Variants in COPG2 observed in about 807,000 individuals in gnomAD.
The protein encoded by COPG2 is coatomer subunit gamma-2.
A neutral mutation model predicts 46.3 loss-of-function variants in COPG2; 37 were observed. That is an observed-to-expected ratio of 0.80 (90% CI 0.61 to 1.05). The LOEUF (loss-of-function observed/expected upper bound fraction) is 1.05, where lower values mean the gene tolerates loss of function less well. Ranked by LOEUF, COPG2 falls within the 50% of genes least tolerant of loss-of-function variation. The probability of loss-of-function intolerance (pLI) is 0.00; values close to 1 mark genes in which losing one functional copy is unlikely to be tolerated. For missense variants in COPG2, 427 were observed against 387.8 expected (o/e 1.10, Z -0.85); for synonymous variants, 159 against 129.7 (o/e 1.23, Z -1.53).
chr7:130,668,595 C>T (rs1554461941), intron 1 of COPG2, 37 bp downstream of exon 1: 3 of 1,500,848 alleles, frequency 2.0e-6, no homozygotes, highest in African/African-American at 1.5e-5. Flanking sequence ...AGGGGCGTCC[C>T]GCGGCTGAGG....
At chr7:130,649,002 G>A (rs1424127073) in intron 5 of COPG2, among the ~76,000 whole-genome samples, 1 of 152,152 alleles carries the variant, frequency 6.6e-6, no homozygotes, top group African/African-American at 2.4e-5. Context: ...AGTTGCTGCT[G>A]ACGTAGAATT....
intron 20 of COPG2, among the ~76,000 whole-genome samples, chr7:130,530,849 G>A (rs1799817928): frequency 6.6e-6 from 1 of 151,898 alleles, no homozygotes; most frequent in East Asian, 2.0e-4. Context: ...CACAGGTGGA[G>A]TGAGGTGAAG....
At chr7:130,603,073 T>G (rs572240416) in intron 9 of COPG2, among the ~76,000 whole-genome samples, 5 of 152,296 alleles carry the variant, frequency 3.3e-5, no homozygotes, top group African/African-American at 1.2e-4. Context: ...ACCCCTGACC[T>G]GCAAAAATTA....
chr7:130,647,158 A>C (rs1348631179), intron 5 of COPG2, among the ~76,000 whole-genome samples: 1 of 151,886 alleles, frequency 6.6e-6, no homozygotes, highest in African/African-American at 2.4e-5. Context: ...CTCCTGTCAC[A>C]GCTTCCTGAG....
At chr7:130,594,508 T>C (rs1554449457) in intron 9 of COPG2, among the ~76,000 whole-genome samples, 4 of 152,148 alleles carry the variant, frequency 2.6e-5, no homozygotes, top group African/African-American at 9.7e-5. Context: ...ACAGAAAAAT[T>C]AGACTTTATC....
At position 130,655,494 on chromosome 7, in the gene COPG2, A is replaced by C. The variant is rs559016402; in HGVS notation, c.244-2546T>G. On this transcript the variant is annotated intron_variant, in intron 4 of 23. Coordinates refer to ENST00000425248, the MANE Select transcript of COPG2 (RefSeq NM_012133.6). Reference sequence around the variant, plus strand: ...GAGTAGTTTCCTTTTTTACACACACAGATCAGTTTTTACTTAACCAAAGAC... The same window carrying C: ...GAGTAGTTTCCTTTTTTACACACACCGATCAGTTTTTACTTAACCAAAGAC... 1.8e-4 allele frequency among the ~76,000 whole-genome samples: 27 copies of C among 152,294 alleles called. No individual in the cohort carries two copies. In the South Asian group the frequency reaches 5.6e-3, roughly 32 times the overall value.
chr7:130,617,910 G>A (rs1794976342), intron 5 of COPG2, among the ~76,000 whole-genome samples: 1 of 151,872 alleles, frequency 6.6e-6, no homozygotes, highest in Non-Finnish European at 1.5e-5. Context: ...AGACCAGCCT[G>A]GGAAACATGA....
chr7:130,659,362 A>AAAAAAAAAAAAAAC (rs1361488094), intron 4 of COPG2, among the ~76,000 whole-genome samples: 3 of 149,948 alleles, frequency 2.0e-5, no homozygotes, highest in East Asian at 2.0e-4. Context: ...CTCAAAAAAA[A>AAAAAAAAAAAAAAC]AAAAAACGAA....
intron 20 of COPG2, 148 bp from the exon 21 acceptor site, chr7:130,508,807 T>C (rs1339865647): frequency 1.6e-6 from 1 of 616,786 alleles, no homozygotes. Flanking sequence ...AAAAGCAGCC[T>C]ACAAGCGGGT....
chr7:130,638,575 C>G (rs953577056), intron 5 of COPG2, among the ~76,000 whole-genome samples: 1 of 152,080 alleles, frequency 6.6e-6, no homozygotes, highest in African/African-American at 2.4e-5. Flanking sequence ...CACCCCTCCC[C>G]CCACACCAAG....
At chr7:130,575,985 T>A (rs1249303564) in intron 9 of COPG2, among the ~76,000 whole-genome samples, 1 of 152,200 alleles carries the variant, frequency 6.6e-6, no homozygotes, top group African/African-American at 2.4e-5. Flanking sequence ...GTACATTAGA[T>A]AATGGTAAAA....
intron 20 of COPG2, among the ~76,000 whole-genome samples, chr7:130,520,262 A>C (rs1799713555): frequency 1.3e-5 from 2 of 152,196 alleles, no homozygotes; most frequent in African/African-American, 4.8e-5. Flanking sequence ...TTGGCCAAGA[A>C]GTTAAGAAAT....
chr7:130,666,589 T>C (rs1386099818), intron 3 of COPG2, among the ~76,000 whole-genome samples: 4 of 152,236 alleles, frequency 2.6e-5, no homozygotes. Flanking sequence ...GTATGTATTC[T>C]GCAAATATTC....
Position 130,668,694 on chromosome 7 carries a change from C to G in COPG2, c.-26G>C, listed in dbSNP as rs534038537. On this transcript the variant is annotated 5_prime_UTR_variant, in exon 1 of 24. Coordinates refer to ENST00000425248, the MANE Select transcript of COPG2 (RefSeq NM_012133.6). ...CTTGGACGACTTCCCAGCGCCCAGACCCACCGCAACCGTCCCAGGCGCCGC... is the reference window on the plus strand; with the variant it reads ...CTTGGACGACTTCCCAGCGCCCAGAGCCACCGCAACCGTCCCAGGCGCCGC... 2.0e-6 allele frequency: 3 copies of G among 1,521,806 alleles called. No homozygotes were observed. Among genetic ancestry groups the G allele is most frequent in the East Asian group, 5.6e-5 (2 of 35,640 alleles). 94.3% of individuals were successfully genotyped at this position (1,521,806 alleles called of 1,614,324 possible).
At chr7:130,577,264 T>TCAA (rs1167453893) in intron 9 of COPG2, among the ~76,000 whole-genome samples, 1 of 152,208 alleles carries the variant, frequency 6.6e-6, no homozygotes, top group African/African-American at 2.4e-5. Flanking sequence ...GGTACTGGGT[T>TCAA]CATCTCACTA....
intron 5 of COPG2, among the ~76,000 whole-genome samples, chr7:130,633,284 G>A (rs1795265235): frequency 6.6e-6 from 1 of 152,070 alleles, no homozygotes; most frequent in Non-Finnish European, 1.5e-5. Context: ...TGGCTCTAAA[G>A]GTATTTCTGG....
At chr7:130,561,369 C>T (rs1793716249) in intron 11 of COPG2, 148 bp from the exon 12 acceptor site, 1 of 395,970 alleles carries the variant, frequency 2.5e-6, no homozygotes, top group African/African-American at 2.1e-5. Context: ...CTCCAGTTAA[C>T]AAGGTATATC....
intron 9 of COPG2, among the ~76,000 whole-genome samples, chr7:130,576,687 C>T (rs1794004335): frequency 6.6e-6 from 1 of 152,040 alleles, no homozygotes; most frequent in Non-Finnish European, 1.5e-5. Context: ...GGATACACCT[C>T]AAGGAACTAG....
chr7:130,644,500 A>G (rs1795553769), intron 5 of COPG2, among the ~76,000 whole-genome samples: 1 of 152,192 alleles, frequency 6.6e-6, no homozygotes, highest in Non-Finnish European at 1.5e-5. Context: ...AATGACAACC[A>G]AGGTTGTCAC....
Sources: allele counts gnomAD v4.1 joint callset (sites outside exome capture counted in the v4.1 genomes callset), GRCh38; gene constraint gnomAD v4.1.1; transcripts MANE v1.5; gene names NCBI Gene and HGNC (gene_info 2026-07-23, HGNC 2026-07-21).